The following TACC2 variants were observed in gnomAD, a reference collection of about 807,000 sequenced individuals.
TACC2 encodes the protein transforming acidic coiled-coil containing protein 2.
In TACC2, 137 loss-of-function variants were observed where a neutral mutation model predicts 227.3. That is an observed-to-expected ratio of 0.60 (90% CI 0.52 to 0.69). The LOEUF is 0.69. Among genes scored for constraint, TACC2 ranks in the 30% least tolerant of loss-of-function variants. The pLI is 0.00. For synonymous variants in TACC2, 1,523 were observed against 1,487.5 expected, an observed-to-expected ratio of 1.02 and a Z score of -0.55; for missense variants, 3,470 against 3,694.4, an observed-to-expected ratio of 0.94 and a Z score of 1.57.
At chr10:122,121,341 C>G (rs2085749676) in intron 5 of TACC2, among the ~76,000 whole-genome samples, 1 of 152,238 alleles carries the variant, frequency 6.6e-6, no homozygotes. Flanking sequence ...ATCCTCTCCA[C>G]TCCCTCTCCA....
At chr10:122,218,393 G>A (rs1180486019) in intron 11 of TACC2, among the ~76,000 whole-genome samples, 2 of 151,470 alleles carry the variant, frequency 1.3e-5, no homozygotes, top group Non-Finnish European at 2.9e-5. Context: ...GTGTCATGAG[G>A]GTGCAGGTAG....
chr10:122,158,624 T>C (rs2092638188), intron 7 of TACC2, among the ~76,000 whole-genome samples: 1 of 152,048 alleles, frequency 6.6e-6, no homozygotes, highest in Non-Finnish European at 1.5e-5. Flanking sequence ...GGTGTAAATA[T>C]GGTGAAGGTG....
At position 122,084,012 on chromosome 10, in the gene TACC2, G is replaced by A. The variant is rs781769275; in HGVS notation, c.1512G>A (p.Glu504=). The A allele has an allele frequency of 5.6e-6, 9 of 1,613,870 alleles. No individual in the cohort carries two copies. The African/African-American group carries it at 6.7e-5, about 12-fold the overall frequency. The change falls in exon 4 of 23, where the codon GAG becomes GAA. Residue 504 remains glutamate, a synonymous_variant. Transcript: ENST00000369005. The part of the protein sequence containing the change: ...PQERGEHLNT[E]QSHEVQPGVP... ...AGAGGGGAGAGCACTTGAACACGGAGCAAAGCCATGAGGTCCAACCAGGAG... is the reference window on the plus strand; with the variant it reads ...AGAGGGGAGAGCACTTGAACACGGAACAAAGCCATGAGGTCCAACCAGGAG...
At chr10:122,075,467 C>T (rs768891067) in intron 3 of TACC2, among the ~76,000 whole-genome samples, 13 of 152,172 alleles carry the variant, frequency 8.5e-5, no homozygotes, top group Non-Finnish European at 1.3e-4. Flanking sequence ...ACTGGACTCA[C>T]GGGGGCTGGC....
chr10:122,124,268 A>C (rs1472720270), intron 5 of TACC2, among the ~76,000 whole-genome samples: 1 of 152,144 alleles, frequency 6.6e-6, no homozygotes, highest in Non-Finnish European at 1.5e-5. Flanking sequence ...ACCTAGTGTC[A>C]GGTAGATGTC....
chr10:122,089,537 G>A (rs1431607111), intron 5 of TACC2, among the ~76,000 whole-genome samples: 4 of 152,194 alleles, frequency 2.6e-5, no homozygotes, highest in African/African-American at 9.7e-5. Flanking sequence ...GCTGCTCAAG[G>A]TTTCATCCTT....
chr10:122,208,811 G>A (rs900713277), intron 8 of TACC2, among the ~76,000 whole-genome samples: 8 of 152,194 alleles, frequency 5.3e-5, no homozygotes, highest in East Asian at 1.9e-4. Context: ...TGCCAGCTCC[G>A]TTTACTCCTC....
Position 122,132,717 on chromosome 10 carries a change from G to A in TACC2, c.5682G>A (p.Thr1894=), listed in dbSNP as rs114501786. Reference sequence around the variant, plus strand: ...GTGATGTTGTTGGCCAGGTCTCTACGGATCTGATAGCCCAGAGGTACGGTG... The same window carrying A: ...GTGATGTTGTTGGCCAGGTCTCTACAGATCTGATAGCCCAGAGGTACGGTG... ...YHGDVVGQVS[T]DLIAQSISPA... Residue 1894 remains threonine, a synonymous_variant, in exon 6 of 23, where the codon ACG becomes ACA. Transcript: ENST00000369005. 8.5e-5 allele frequency: 137 copies of A among 1,614,126 alleles called. No homozygotes were observed. The East Asian group carries it at 2.1e-3, about 24-fold the overall frequency.
Position 122,253,979 on chromosome 10 carries a change from C to T in TACC2, c.8782-12C>T, listed in dbSNP as rs1445961562. On this transcript the variant is annotated splice_polypyrimidine_tract_variant and intron_variant, in intron 22 of 22. Transcript: ENST00000369005. ...CAAACATCAGCAACTTCTTCCTTGT[C>T]TTCACTTGCAGAATAAAGAAATAGA... The T allele has an allele frequency of 6.2e-7, 1 of 1,613,180 alleles. No homozygotes were observed. The highest frequency in any genetic ancestry group is 8.5e-7 in the Non-Finnish European group (1 of 1,179,270).
chr10:122,074,992 C>G (rs996831969), intron 3 of TACC2, among the ~76,000 whole-genome samples: 1 of 151,996 alleles, frequency 6.6e-6, no homozygotes, highest in African/African-American at 2.4e-5. Context: ...GGAAATAGAG[C>G]ACTTTGGACA....
At chr10:122,018,854 A>G (rs569476287) in intron 1 of TACC2, among the ~76,000 whole-genome samples, 3 of 152,216 alleles carry the variant, frequency 2.0e-5, no homozygotes, top group East Asian at 3.9e-4. Context: ...CTCCTCATCT[A>G]GCTTCCTCCA....
intron 2 of TACC2, among the ~76,000 whole-genome samples, chr10:122,045,592 T>C (rs148446810): frequency 4.8e-4 from 73 of 152,358 alleles, no homozygotes; most frequent in African/African-American, 1.4e-3. Context: ...AAGAGAGCTA[T>C]GTAAATGCTG....
chr10:122,208,568 G>C (rs954912438), intron 8 of TACC2, among the ~76,000 whole-genome samples: 10 of 152,182 alleles, frequency 6.6e-5, no homozygotes, highest in Non-Finnish European at 1.3e-4. Flanking sequence ...AGGGCTCCCT[G>C]ATTTAGCAAA....
intron 22 of TACC2, among the ~76,000 whole-genome samples, chr10:122,252,741 C>T (rs1452138627): frequency 6.6e-6 from 1 of 152,190 alleles, no homozygotes; most frequent in Admixed American, 6.5e-5. Context: ...GATCCACCCG[C>T]CTCGGCCTCC....
intron 5 of TACC2, chr10:122,112,983 GC>G (rs2083905639): frequency 6.6e-6 from 1 of 152,222 alleles, no homozygotes. Context: ...GAGGAGCCTG[GC>G]CCGGCAGCCG....
intron 7 of TACC2, among the ~76,000 whole-genome samples, chr10:122,167,803 G>A (rs1165112605): frequency 1.3e-5 from 2 of 152,234 alleles, no homozygotes; most frequent in Non-Finnish European, 2.9e-5. Context: ...GAAATTGCCA[G>A]CCTCTCAGTC....
intron 7 of TACC2, among the ~76,000 whole-genome samples, chr10:122,161,915 T>C (rs2092836894): frequency 6.6e-6 from 1 of 152,210 alleles, no homozygotes; most frequent in Non-Finnish European, 1.5e-5. Flanking sequence ...GAGGTCTGTT[T>C]TCTGACAGAG....
At chr10:122,015,014 T>C (rs929350555) in intron 1 of TACC2, among the ~76,000 whole-genome samples, 38 of 152,090 alleles carry the variant, frequency 2.5e-4, no homozygotes, top group African/African-American at 8.7e-4. Flanking sequence ...TATTGTTCAT[T>C]GAATGCAGGA....
intron 11 of TACC2, among the ~76,000 whole-genome samples, chr10:122,223,539 G>A (rs2095563898): frequency 6.6e-6 from 1 of 152,154 alleles, no homozygotes; most frequent in African/African-American, 2.4e-5. Context: ...GCCATGCTGA[G>A]TAGAAGGATA....
Sources: allele counts gnomAD v4.1 joint callset (sites outside exome capture counted in the v4.1 genomes callset), GRCh38; gene constraint gnomAD v4.1.1; transcripts MANE v1.5; gene names NCBI Gene and HGNC (gene_info 2026-07-23, HGNC 2026-07-21).